Variants in CDH4 observed in about 807,000 individuals in gnomAD.
CDH4 encodes the protein cadherin 4, also known as cadherin-4.
CDH4 carries 33 observed loss-of-function variants against 86.0 expected under a neutral mutation model. The ratio of observed to expected loss-of-function variants is 0.38; its 90% CI spans 0.29 to 0.51. CDH4 has a LOEUF of 0.51. Among genes scored for constraint, CDH4 ranks in the 20% least tolerant of loss-of-function variants. CDH4 has a pLI of 0.86. For missense variants in CDH4, 1,114 were observed against 1,307.4 expected (o/e 0.85, Z 2.28); for synonymous variants, 555 against 549.4 (o/e 1.01, Z -0.14).
intron 5 of CDH4, among the ~76,000 whole-genome samples, chr20:61,845,436 G>T (rs1021042633): frequency 1.3e-5 from 2 of 152,192 alleles, no homozygotes; most frequent in East Asian, 3.9e-4. Context: ...TTCTCCTCCC[G>T]GGCCGAACTG....
At chr20:61,756,292 T>A (rs913727226) in intron 3 of CDH4, among the ~76,000 whole-genome samples, 1 of 152,172 alleles carries the variant, frequency 6.6e-6, no homozygotes, top group African/African-American at 2.4e-5. Flanking sequence ...TGCATTTGTA[T>A]GCTGGGGGCT....
intron 3 of CDH4, among the ~76,000 whole-genome samples, chr20:61,765,011 T>C (rs2088682087): frequency 6.6e-6 from 1 of 152,166 alleles, no homozygotes; most frequent in Non-Finnish European, 1.5e-5. Context: ...TGAGAAGCAC[T>C]TTGTAAATAA....
intron 2 of CDH4, among the ~76,000 whole-genome samples, chr20:61,387,553 T>A (rs975910348): frequency 1.3e-5 from 2 of 151,256 alleles, no homozygotes; most frequent in Non-Finnish European, 2.9e-5. Context: ...CACACAAACA[T>A]ACACACAGAC....
intron 2 of CDH4, among the ~76,000 whole-genome samples, chr20:61,741,739 C>T (rs1430725437): frequency 6.6e-6 from 1 of 152,172 alleles, no homozygotes; most frequent in Admixed American, 6.5e-5. Flanking sequence ...GATCCACCCT[C>T]CTCGGCCTCC....
intron 13 of CDH4, among the ~76,000 whole-genome samples, chr20:61,931,905 A>G (rs1210734453): frequency 6.6e-6 from 1 of 152,020 alleles, no homozygotes. Context: ...CTGTACCCCA[A>G]TTCCTTTGAG....
intron 2 of CDH4, among the ~76,000 whole-genome samples, chr20:61,399,157 A>C: frequency 1.1e-5 from 1 of 90,966 alleles, no homozygotes; most frequent in Non-Finnish European, 2.0e-5. Context: ...ACGGAGTCTC[A>C]CTCTGTCGCC....
chr20:61,605,483 CTG>C (rs1352555934), intron 2 of CDH4, among the ~76,000 whole-genome samples: 3 of 151,744 alleles, frequency 2.0e-5, no homozygotes, highest in African/African-American at 7.3e-5. Context: ...TTGTCTCTCC[CTG>C]TCTCTCTCCC....
chr20:61,453,876 G>A (rs887541125), intron 2 of CDH4, among the ~76,000 whole-genome samples: 1 of 152,070 alleles, frequency 6.6e-6, no homozygotes, highest in Non-Finnish European at 1.5e-5. Context: ...TCCTGATAGT[G>A]AGCGAGTTCT....
At chr20:61,280,139 C>T (rs993122691) in intron 2 of CDH4, among the ~76,000 whole-genome samples, 1 of 152,024 alleles carries the variant, frequency 6.6e-6, no homozygotes, top group Non-Finnish European at 1.5e-5. Flanking sequence ...TTGGGTCTGC[C>T]AGGCTGGGTG....
Position 61,832,130 on chromosome 20 carries a change from G to A in CDH4, c.577-12538G>A, listed in dbSNP as rs376975679. Among the ~76,000 whole-genome samples, 8 of 152,356 alleles carry A rather than the reference G, an allele frequency of 5.3e-5. No homozygotes were observed. The South Asian group carries it at 1.7e-3, about 32-fold the overall frequency. On this transcript the variant is annotated intron_variant, in intron 4 of 15. Transcript: ENST00000614565. The stretch of plus-strand genomic sequence containing the variant: ...CTTCAAGGCTGGGGTAAGAGCCAAT[G>A]AGTGTCTGCCCCAGGACATTTGACG...
At chr20:61,590,111 A>T (rs1166410374) in intron 2 of CDH4, among the ~76,000 whole-genome samples, 1 of 142,224 alleles carries the variant, frequency 7.0e-6, no homozygotes, top group Admixed American at 7.6e-5. Context: ...CAGGAAGCAC[A>T]GGAGCTTAAA....
At chr20:61,844,971 C>A in intron 5 of CDH4, 148 bp downstream of exon 5, 1 of 838,542 alleles carries the variant, frequency 1.2e-6, no homozygotes, top group Non-Finnish European at 1.8e-6. Flanking sequence ...TCCTGGGAAG[C>A]TGGGGAAAGC....
At chr20:61,908,926 T>C (rs1226211318) in intron 8 of CDH4, among the ~76,000 whole-genome samples, 2 of 152,216 alleles carry the variant, frequency 1.3e-5, no homozygotes, top group African/African-American at 4.8e-5. Context: ...TTGCTGCACC[T>C]GAGGGCTTCT....
intron 4 of CDH4, among the ~76,000 whole-genome samples, chr20:61,815,427 G>A (rs1166858007): frequency 6.6e-6 from 1 of 152,204 alleles, no homozygotes; most frequent in Non-Finnish European, 1.5e-5. Flanking sequence ...GCCGCCCGTC[G>A]CTGTTTTCTA....
chr20:61,874,505 G>T (rs1983936940), intron 7 of CDH4, among the ~76,000 whole-genome samples: 1 of 152,138 alleles, frequency 6.6e-6, no homozygotes, highest in Non-Finnish European at 1.5e-5. Context: ...CATCTCAAGT[G>T]CCCGCCCCAC....
At chr20:61,752,445 A>C (rs1394148995) in intron 3 of CDH4, among the ~76,000 whole-genome samples, 1 of 151,006 alleles carries the variant, frequency 6.6e-6, no homozygotes, top group Non-Finnish European at 1.5e-5. Context: ...TCTTGATGGG[A>C]GTGTACAATG....
rs1286873196 is a variant in CDH4, at chr20:61,480,129, C to T, written c.169+225192C>T. Reference sequence around the variant, plus strand: ...AATGGTAACTTTTTAATGTTCTTGGCTAATTCTGTCATCCTGATATATTTT... The same window carrying T: ...AATGGTAACTTTTTAATGTTCTTGGTTAATTCTGTCATCCTGATATATTTT... On this transcript the variant is annotated intron_variant, in intron 2 of 15. Coordinates refer to ENST00000614565, the MANE Select transcript of CDH4 (RefSeq NM_001794.5). The surrounding 1 kb of genome is among the most constrained non-coding windows in gnomAD (Gnocchi z 5.2). Among the ~76,000 whole-genome samples the T allele has an allele frequency of 6.6e-6, 1 of 152,156 alleles. No homozygotes were observed. The highest frequency in any genetic ancestry group is 1.9e-4 in the East Asian group (1 of 5,198).
chr20:61,761,589 G>T (rs76826779), intron 3 of CDH4, among the ~76,000 whole-genome samples: 2,324 of 152,274 alleles, frequency 0.015, 35 homozygotes, highest in Non-Finnish European at 0.022. Context: ...TGGGTCCGTG[G>T]TCACTGCCAC....
intron 2 of CDH4, among the ~76,000 whole-genome samples, chr20:61,273,188 G>A (rs2084194602): frequency 7.6e-6 from 1 of 132,384 alleles, no homozygotes; most frequent in South Asian, 2.5e-4. Context: ...TGTGCAGTTT[G>A]GGGGAGCACC....
Sources: gnomAD v4.1 joint callset for allele counts (sites outside exome capture counted in the v4.1 genomes callset) on GRCh38, gnomAD v4.1.1 for gene constraint, Gnocchi (gnomAD v3.1) non-coding constraint, MANE v1.5 for transcripts, NCBI Gene and HGNC (gene_info 2026-07-23, HGNC 2026-07-21) for gene names.